Variants in TSHZ3 observed in about 807,000 individuals in gnomAD.
TSHZ3 encodes teashirt homolog 3.
Under a neutral mutation model 64.5 loss-of-function variants are expected in TSHZ3, and 10 were observed. That is an observed-to-expected ratio of 0.16 (90% CI 0.10 to 0.26). The LOEUF is 0.26. Among genes scored for constraint, TSHZ3 ranks in the 10% least tolerant of loss-of-function variants. TSHZ3 has a pLI of 1.00. For missense variants in TSHZ3, 1,242 were observed against 1,421.7 expected (o/e 0.87, Z 2.03); for synonymous variants, 608 against 593.1 (o/e 1.03, Z -0.36).
At chr19:31,188,174 T>G (rs1974842929) in intron 5 of TSHZ3, among the ~76,000 whole-genome samples, 1 of 151,674 alleles carries the variant, frequency 6.6e-6, no homozygotes, top group South Asian at 2.1e-4. Context: ...TAAATTTTTA[T>G]TTTCTAACTT....
At chr19:31,192,080 G>T (rs1489670235) in intron 5 of TSHZ3, among the ~76,000 whole-genome samples, 1 of 152,034 alleles carries the variant, frequency 6.6e-6, no homozygotes, top group Non-Finnish European at 1.5e-5. Flanking sequence ...AGTTCATGGA[G>T]CACTGAAACA....
intron 5 of TSHZ3, among the ~76,000 whole-genome samples, chr19:31,160,318 T>C (rs1974359602): frequency 6.6e-6 from 1 of 152,186 alleles, no homozygotes; most frequent in Non-Finnish European, 1.5e-5. Context: ...AAGGGTGCTG[T>C]TCTTAGACAC....
intron 5 of TSHZ3, among the ~76,000 whole-genome samples, chr19:31,163,528 T>C (rs1395561888): frequency 6.6e-6 from 1 of 152,086 alleles, no homozygotes; most frequent in African/African-American, 2.4e-5. Context: ...GGTCAGGAGT[T>C]TGAGATCAGC....
intron 3 of TSHZ3, among the ~76,000 whole-genome samples, chr19:31,240,055 G>A (rs1050052313): frequency 1.3e-5 from 2 of 151,826 alleles, no homozygotes; most frequent in Admixed American, 1.3e-4. Context: ...TTTTGGTTTT[G>A]TTTTTAATCT....
chr19:31,161,476 G>C (rs1974373218), intron 5 of TSHZ3, among the ~76,000 whole-genome samples: 1 of 152,194 alleles, frequency 6.6e-6, no homozygotes, highest in African/African-American at 2.4e-5. Context: ...CAGTTTTGGA[G>C]ATATGGGATT....
intron 1 of TSHZ3, among the ~76,000 whole-genome samples, chr19:31,320,808 C>T (rs1916747887): frequency 6.6e-6 from 1 of 152,200 alleles, no homozygotes; most frequent in Non-Finnish European, 1.5e-5. Context: ...CTGGCTTCAG[C>T]TGTAGGTCTG....
At position 31,213,484 on chromosome 19, in the gene TSHZ3, G is replaced by A. The variant is rs1485397397; in HGVS notation, n.687-8406C>T. 5.3e-5 allele frequency among the ~76,000 whole-genome samples: 8 copies of A among 150,340 alleles called. No homozygotes were observed. In the East Asian group the frequency reaches 5.9e-4, roughly 11 times the overall value. On this transcript the variant is annotated intron_variant and non_coding_transcript_variant, in intron 4 of 6. Coordinates refer to the TSHZ3 transcript ENST00000651361. ...AACTACTCTATAGGATACTATAATG[G>A]TGGATCCATGTCTTTGTACATTTGT...
At position 31,330,906 on chromosome 19, in the gene TSHZ3, C is replaced by A. The variant is rs544074763; in HGVS notation, c.40+18274G>T. Among the ~76,000 whole-genome samples the A allele has an allele frequency of 2.6e-5, 4 of 152,254 alleles. No homozygotes were observed. In the South Asian group the frequency reaches 8.3e-4, roughly 32 times the overall value. The stretch of plus-strand genomic sequence containing the variant: ...ATTGACATGCCCAAAAACTGACATG[C>A]ATGCTTGTCCCCCACAGGCACGGGC... On this transcript the variant is annotated intron_variant, in intron 1 of 1. Transcript: ENST00000240587.
chr19:31,233,283 T>C (rs867273547), intron 3 of TSHZ3, among the ~76,000 whole-genome samples: 5 of 152,252 alleles, frequency 3.3e-5, no homozygotes, highest in Admixed American at 6.5e-5. Context: ...AGTTTAGTCA[T>C]AATTTAAGTC....
downstream of TSHZ3, among the ~76,000 whole-genome samples, chr19:31,273,237 C>T (rs988995667): frequency 6.6e-6 from 1 of 152,150 alleles, no homozygotes. Flanking sequence ...TGCATTCGTG[C>T]CTGGAGCCCT....
intron 5 of TSHZ3, chr19:31,204,757 T>G (rs1266491498): frequency 1.3e-5 from 2 of 152,246 alleles, no homozygotes; most frequent in African/African-American, 2.4e-5. Flanking sequence ...CATGGAAACC[T>G]TGTTCCACAC....
At chr19:31,270,542 T>C (rs1398229098), downstream of TSHZ3, among the ~76,000 whole-genome samples, 1 of 152,182 alleles carries the variant, frequency 6.6e-6, no homozygotes, top group Non-Finnish European at 1.5e-5. Context: ...ATGTTGCCCC[T>C]GGCCTCAAGT....
chr19:31,267,947 G>A (rs1599613234), intron 1 of TSHZ3, among the ~76,000 whole-genome samples: 1 of 152,146 alleles, frequency 6.6e-6, no homozygotes, highest in Non-Finnish European at 1.5e-5. Flanking sequence ...TGGTTTGGCT[G>A]TGTCCCCACC....
intron 1 of TSHZ3, among the ~76,000 whole-genome samples, chr19:31,330,847 A>C (rs1456746722): frequency 6.6e-6 from 1 of 151,926 alleles, no homozygotes; most frequent in Non-Finnish European, 1.5e-5. Context: ...CTACCGAGAG[A>C]AGGTGGGCCG....
intron 1 of TSHZ3, among the ~76,000 whole-genome samples, chr19:31,254,433 G>T (rs1426377636): frequency 6.6e-6 from 1 of 152,230 alleles, no homozygotes; most frequent in Non-Finnish European, 1.5e-5. Context: ...AGGCTGGGCT[G>T]TGGGCCCTGG....
chr19:31,187,333 G>A (rs1244890709), intron 5 of TSHZ3, among the ~76,000 whole-genome samples: 1 of 151,992 alleles, frequency 6.6e-6, no homozygotes, highest in Non-Finnish European at 1.5e-5. Flanking sequence ...GCTGCTGTAT[G>A]TATCAGTAGT....
chr19:31,198,068 A>T (rs1464692117), intron 5 of TSHZ3, among the ~76,000 whole-genome samples: 2 of 152,148 alleles, frequency 1.3e-5, no homozygotes, highest in African/African-American at 2.4e-5. Flanking sequence ...TAAAAAATTG[A>T]ATCCAATAAT....
intron 5 of TSHZ3, among the ~76,000 whole-genome samples, chr19:31,185,060 A>C (rs1253607140): frequency 2.0e-5 from 3 of 151,456 alleles, no homozygotes; most frequent in African/African-American, 4.9e-5. Context: ...CTAGAGTTTG[A>C]AGGTAAAAAT....
chr19:31,289,857 C>A (rs1355778875), intron 1 of TSHZ3, among the ~76,000 whole-genome samples: 1 of 152,118 alleles, frequency 6.6e-6, no homozygotes, highest in Non-Finnish European at 1.5e-5. Context: ...CTCAAAGTCC[C>A]CAGAAAATTT....
Sources: gnomAD v4.1 joint callset for allele counts (sites outside exome capture counted in the v4.1 genomes callset) on GRCh38, gnomAD v4.1.1 for gene constraint, MANE v1.5 for transcripts, NCBI Gene and HGNC (gene_info 2026-07-23, HGNC 2026-07-21) for gene names.